Variants in GBP6 observed in about 807,000 individuals in gnomAD.
GBP6 encodes the protein guanylate-binding protein 6.
GBP6 carries 54 observed loss-of-function variants against 61.5 expected under a neutral mutation model. That is an observed-to-expected ratio of 0.88 (90% CI 0.71 to 1.10). The LOEUF is 1.10. GBP6 is among the 50% of genes least tolerant of loss of function. GBP6 has a pLI of 0.00. For synonymous variants in GBP6, 255 were observed against 273.7 expected (o/e 0.93, Z 0.67); for missense variants, 748 against 752.8 (o/e 0.99, Z 0.07).
rs1652524261 is a variant in GBP6, at chr1:89,368,430, G to C, written c.-23-99G>C. On this transcript the variant is annotated intron_variant, in intron 1 of 10. Coordinates refer to ENST00000370456, the MANE Select transcript of GBP6 (RefSeq NM_198460.3). ...GTCAGCTAATGCTAGATTACATGTT[G>C]TCCAGTAGAAACACAGAAGTCTCAT... 5.0e-6 allele frequency: 4 copies of C among 798,442 alleles called. No individual in the cohort carries two copies. In the South Asian group the frequency reaches 7.4e-5, roughly 15 times the overall value. 49.5% of individuals were successfully genotyped at this position (798,442 alleles called of 1,614,324 possible).
chr1:89,380,664 C>T (rs1478655745), intron 6 of GBP6, 33 bp downstream of exon 6: 3 of 1,601,968 alleles, frequency 1.9e-6, no homozygotes, highest in East Asian at 4.5e-5. Context: ...TGTGGGGCCT[C>T]ATGTGTGTTG....
At chr1:89,373,779 T>C (rs932454381) in intron 3 of GBP6, among the ~76,000 whole-genome samples, 3 of 151,954 alleles carry the variant, frequency 2.0e-5, no homozygotes, top group East Asian at 3.9e-4. Flanking sequence ...CAAACCTGCA[T>C]GTTGTGCACA....
At chr1:89,384,870 C>T (rs566789532) in intron 10 of GBP6, among the ~76,000 whole-genome samples, 1 of 152,148 alleles carries the variant, frequency 6.6e-6, no homozygotes, top group East Asian at 1.9e-4. Context: ...GGGATTTCTA[C>T]ATCAGCTTAT....
At chr1:89,376,097 A>G (rs1218214153) in intron 3 of GBP6, among the ~76,000 whole-genome samples, 1 of 152,176 alleles carries the variant, frequency 6.6e-6, no homozygotes, top group Non-Finnish European at 1.5e-5. Context: ...AACATCCTCT[A>G]GATTCCTCCA....
chr1:89,368,442 C>T, intron 1 of GBP6, 87 bp from the exon 2 acceptor site: 1 of 947,004 alleles, frequency 1.1e-6, no homozygotes, highest in Non-Finnish European at 1.6e-6. Context: ...CCAGTAGAAA[C>T]ACAGAAGTCT....
intron 2 of GBP6, 64 bp downstream of exon 2, chr1:89,368,805 C>G: frequency 6.8e-7 from 1 of 1,474,586 alleles, no homozygotes; most frequent in Non-Finnish European, 9.3e-7. Flanking sequence ...CTTCTTGATT[C>G]TCTACCCCAG....
intron 5 of GBP6, 108 bp from the exon 6 acceptor site, chr1:89,380,278 G>A (rs768368294): frequency 3.4e-6 from 3 of 884,912 alleles, no homozygotes; most frequent in Admixed American, 2.3e-5. Flanking sequence ...AAGGAGGTCT[G>A]TAAGCATAGA....
At chr1:89,379,345 TTGG>T (rs970160339) in intron 5 of GBP6, among the ~76,000 whole-genome samples, 1 of 22,080 alleles carries the variant, frequency 4.5e-5, no homozygotes, top group Non-Finnish European at 8.1e-5. Context: ...ACCTCCAACA[TTGG>T]GGGGGGGGGG....
Position 89,382,696 on chromosome 1 carries a change from G to C in GBP6, c.1185G>C (p.Leu395Phe), listed in dbSNP as rs1040099680. The stretch of plus-strand genomic sequence containing the variant: ...CAATGAATAAGAAGGGGGATTTCTT[G>C]CTGCAGAATGAAGAGTCATCTGTTC... ...ETTMNKKGDF[L>F]LQNEESSVQY... The change falls in exon 8 of 11, where the codon TTG (leucine) becomes TTC (phenylalanine). Residue 395 changes from leucine to phenylalanine, a missense_variant. Coordinates refer to ENST00000370456, the MANE Select transcript of GBP6 (RefSeq NM_198460.3). 7 of 1,614,134 alleles carry C rather than the reference G, an allele frequency of 4.3e-6. No homozygotes were observed. The South Asian group carries it at 7.7e-5, about 18-fold the overall frequency.
intron 3 of GBP6, among the ~76,000 whole-genome samples, chr1:89,374,024 T>C (rs1176782288): frequency 6.6e-6 from 1 of 152,034 alleles, no homozygotes; most frequent in African/African-American, 2.4e-5. Flanking sequence ...TGAGAGCTGA[T>C]CATTTTATAA....
At chr1:89,380,308 C>T (rs1057370493) in intron 5 of GBP6, 78 bp from the exon 6 acceptor site, 6 of 1,302,398 alleles carry the variant, frequency 4.6e-6, no homozygotes, top group Admixed American at 1.9e-5. Context: ...AAAGACAATA[C>T]ACCCTATCAA....
rs1303281867 is a variant in GBP6 at position 89,386,955 on chromosome 1, G to A, written c.*1486G>A. On this transcript the variant is annotated 3_prime_UTR_variant, in exon 11 of 11. Transcript: ENST00000370456. Reference sequence around the variant, plus strand: ...AAGGCCTGATGGAGATAATTCTGAAGATGGTCAATACAATGGACCAGCCAT... The same window carrying A: ...AAGGCCTGATGGAGATAATTCTGAAAATGGTCAATACAATGGACCAGCCAT... 6.6e-6 allele frequency among the ~76,000 whole-genome samples: 1 copy of A among 152,202 alleles called. No homozygotes were observed. The highest frequency in any genetic ancestry group is 2.4e-5 in the African/African-American group (1 of 41,450).
intron 5 of GBP6, among the ~76,000 whole-genome samples, chr1:89,379,220 G>T (rs932890139): frequency 1.3e-5 from 2 of 152,078 alleles, no homozygotes; most frequent in African/African-American, 4.8e-5. Flanking sequence ...CAACAGAGGG[G>T]GGTGGTCTCA....
At chr1:89,364,268 T>A (rs1294646778) in intron 1 of GBP6, 141 bp downstream of exon 1, 1 of 152,308 alleles carries the variant, frequency 6.6e-6, no homozygotes, top group Admixed American at 6.5e-5. Flanking sequence ...GCTTTAGTTC[T>A]GGGGAAGCTC....
chr1:89,382,854 A>C lies in GBP6; in HGVS notation c.1343A>C (p.Gln448Pro). 1 of 1,613,676 alleles carries C rather than the reference A, an allele frequency of 6.2e-7. No homozygotes were observed. Among genetic ancestry groups the C allele is most frequent in the Non-Finnish European group, 8.5e-7 (1 of 1,179,588 alleles). ...GAAAGGATTGAACAGGACTATTGGC[A>C]AGTTCCCAGGAAAGGAGTAAAGGTA... is the stretch of plus-strand genomic sequence containing the variant. ...TKERIEQDYWQVPRKGVKAKE... is the reference protein window; with the variant it reads ...TKERIEQDYWPVPRKGVKAKE... The change falls in exon 8 of 11, where the codon CAA (glutamine) becomes CCA (proline). Residue 448 changes from glutamine to proline, a missense_variant. Gln to Pro is a moderately conservative substitution (Grantham distance 76, BLOSUM62 -1). Coordinates refer to ENST00000370456, the MANE Select transcript of GBP6 (RefSeq NM_198460.3).
In GBP6 at chr1:89,368,663, G is replaced by T. The variant is rs745327650; in HGVS notation, c.112G>T (p.Val38Leu). 30 of 1,613,722 alleles carry T rather than the reference G, an allele frequency of 1.9e-5. No individual in the cohort carries two copies. The highest frequency in any genetic ancestry group is 2.1e-5 in the Non-Finnish European group (25 of 1,179,610). ...IQILEKISQP[V>L]VVVAIVGLYR... ...GATTCTTGAAAAGATTTCTCAGCCA[G>T]TGGTGGTGGTGGCCATTGTAGGACT... Residue 38 changes from valine (V) to leucine (L), a missense_variant, in exon 2 of 11, where the codon GTG (valine) becomes TTG (leucine). Transcript: ENST00000370456.
At position 89,382,718 on chromosome 1, in the gene GBP6, G is replaced by A. The variant is rs113138844; in HGVS notation, c.1207G>A (p.Val403Ile). Residue 403 changes from valine (V) to isoleucine (I), a missense_variant, in exon 8 of 11, where the codon GTT becomes ATT. Physicochemically the swap from Val to Ile is conservative, Grantham distance 29. Transcript: ENST00000370456. ...DFLLQNEESS[V>I]QYCQAKLNEL... ...CTTGCTGCAGAATGAAGAGTCATCTGTTCAATACTGCCAGGCTAAACTCAA... is the reference window on the plus strand; with the variant it reads ...CTTGCTGCAGAATGAAGAGTCATCTATTCAATACTGCCAGGCTAAACTCAA... 2 of 1,607,054 alleles carry A rather than the reference G, an allele frequency of 1.2e-6. No homozygotes were observed. The highest frequency in any genetic ancestry group is 1.3e-5 in the African/African-American group (1 of 74,970).
chr1:89,370,595 T>A (rs1007508863), intron 3 of GBP6, among the ~76,000 whole-genome samples: 2 of 152,232 alleles, frequency 1.3e-5, no homozygotes, highest in Non-Finnish European at 2.9e-5. Context: ...TATTTGGGAA[T>A]GGGTTCTAAA....
At chr1:89,383,898 G>T in intron 9 of GBP6, 144 bp downstream of exon 9, 1 of 824,542 alleles carries the variant, frequency 1.2e-6, no homozygotes. Flanking sequence ...AACAAGGGGA[G>T]CTATGATTGT....
Sources: allele counts gnomAD v4.1 joint callset (sites outside exome capture counted in the v4.1 genomes callset), GRCh38; gene constraint gnomAD v4.1.1; transcripts MANE v1.5; gene names NCBI Gene and HGNC (gene_info 2026-07-23, HGNC 2026-07-21).